Variants in SCAPER observed in about 807,000 individuals in gnomAD.
SCAPER encodes S phase cyclin A-associated protein in the endoplasmic reticulum.
Under a neutral mutation model 182.2 loss-of-function variants are expected in SCAPER, and 98 were observed. That is an observed-to-expected ratio of 0.54 (90% CI 0.46 to 0.64). SCAPER has a LOEUF of 0.64. Among genes scored for constraint, SCAPER ranks in the 30% least tolerant of loss-of-function variants. The pLI is 0.00. For synonymous variants in SCAPER, 605 were observed against 564.6 expected, an observed-to-expected ratio of 1.07 and a Z score of -1.01; for missense variants, 1,432 against 1,690.0, an observed-to-expected ratio of 0.85 and a Z score of 2.68.
chr15:76,451,902 G>A (rs1036849286), intron 25 of SCAPER, among the ~76,000 whole-genome samples: 8 of 152,166 alleles, frequency 5.3e-5, no homozygotes, highest in African/African-American at 1.9e-4. Flanking sequence ...TTATTATAGG[G>A]TATTGGGAAA....
chr15:76,832,027 A>G (rs933609068), intron 5 of SCAPER, among the ~76,000 whole-genome samples: 1 of 152,188 alleles, frequency 6.6e-6, no homozygotes, highest in Non-Finnish European at 1.5e-5. Context: ...GAACATCACC[A>G]CACACAGATG....
At chr15:76,695,581 A>G (rs1242383411) in intron 20 of SCAPER, among the ~76,000 whole-genome samples, 1 of 150,374 alleles carries the variant, frequency 6.7e-6, no homozygotes, top group Non-Finnish European at 1.5e-5. Flanking sequence ...TGGATGACGG[A>G]GCAAGACTCC....
At chr15:76,623,078 G>A (rs2052243596) in intron 21 of SCAPER, among the ~76,000 whole-genome samples, 1 of 152,076 alleles carries the variant, frequency 6.6e-6, no homozygotes, top group Non-Finnish European at 1.5e-5. Context: ...CATGTCCTTT[G>A]CCCACCTTTT....
intron 23 of SCAPER, among the ~76,000 whole-genome samples, chr15:76,510,872 T>G (rs537008629): frequency 6.6e-6 from 1 of 151,746 alleles, no homozygotes; most frequent in African/African-American, 2.4e-5. Flanking sequence ...CGCGTGTGTG[T>G]GTGTGTGTGT....
At chr15:76,814,709 T>G (rs78020233) in intron 5 of SCAPER, among the ~76,000 whole-genome samples, 12,501 of 152,016 alleles carry the variant, frequency 0.082, 654 homozygotes, top group East Asian at 0.12. Context: ...CAAGCAATAA[T>G]TTTTTTGGTA....
rs775463270 is a variant in SCAPER, at chr15:76,667,625, C to CAAAAAAAAAAAAAAAAAAAAAA, written c.2509-1858_2509-1837dup. On this transcript the variant is annotated intron_variant, in intron 20 of 31. Coordinates refer to ENST00000563290, the MANE Select transcript of SCAPER (RefSeq NM_020843.4). ...GGGCAACAAGAGCGAGACTCAGTCT[C>CAAAAAAAAAAAAAAAAAAAAAA]AAAAAAAAAAAAAAAAAAAAAAAAA... Among the ~76,000 whole-genome samples, 7 of 27,474 alleles carry CAAAAAAAAAAAAAAAAAAAAAA rather than the reference C, an allele frequency of 2.5e-4. 2 individuals carry two copies. Among genetic ancestry groups the CAAAAAAAAAAAAAAAAAAAAAA allele is most frequent in the Non-Finnish European group, 3.3e-4 (5 of 15,342 alleles). 18.0% of individuals were successfully genotyped at this position (27,474 alleles called of 152,430 possible).
Position 76,765,080 on chromosome 15 carries a change from T to A in SCAPER, c.1614-8A>T, listed in dbSNP as rs774273931. On this transcript the variant is annotated splice_polypyrimidine_tract_variant and splice_region_variant and intron_variant, in intron 13 of 31. Transcript: ENST00000563290. ...TTAGATTCTGCAATTGTTCTATTAA[T>A]ACAAACAAATGGACAAGAGACATGA... is the stretch of plus-strand genomic sequence containing the variant. The A allele has an allele frequency of 8.6e-6, 13 of 1,516,640 alleles. No individual in the cohort carries two copies. The South Asian group carries it at 1.6e-4, about 18-fold the overall frequency. The allele number at this position is 1,516,640 out of a possible 1,614,324, so 93.9% of individuals were successfully genotyped here. A position where few individuals can be genotyped will look rare whatever the true frequency, so the allele number is the denominator to read the frequency against.
chr15:76,786,646 A>G (rs1456666457), intron 8 of SCAPER, among the ~76,000 whole-genome samples: 1 of 152,162 alleles, frequency 6.6e-6, no homozygotes, highest in East Asian at 1.9e-4. Flanking sequence ...AACATTCTAG[A>G]CAGTGCCACA....
Position 76,875,503 on chromosome 15 carries a change from C to T in SCAPER, c.6+8309G>A, listed in dbSNP as rs944049940. 4.6e-5 allele frequency among the ~76,000 whole-genome samples: 7 copies of T among 152,092 alleles called. No individual in the cohort carries two copies. In the South Asian group the frequency reaches 1.2e-3, roughly 27 times the overall value. On this transcript the variant is annotated intron_variant, in intron 2 of 31. Coordinates refer to ENST00000563290, the MANE Select transcript of SCAPER (RefSeq NM_020843.4). ...TGCTAAAAATACAAAACTTAGCGGG[C>T]GTGGTGGTACGCGCCTGTAATTCCA... is the stretch of plus-strand genomic sequence containing the variant.
At chr15:76,464,433 A>G (rs1183693516) in intron 25 of SCAPER, among the ~76,000 whole-genome samples, 1 of 152,044 alleles carries the variant, frequency 6.6e-6, no homozygotes, top group East Asian at 1.9e-4. Flanking sequence ...TGTATACCCA[A>G]ATCTGCATAT....
chr15:76,613,385 C>A (rs151229475), intron 22 of SCAPER, among the ~76,000 whole-genome samples: 2,329 of 152,198 alleles, frequency 0.015, 36 homozygotes, highest in Non-Finnish European at 0.021. Flanking sequence ...GACGAAGACA[C>A]CAAAAGCACT....
At chr15:76,439,025 A>G (rs1434221784) in intron 25 of SCAPER, among the ~76,000 whole-genome samples, 2 of 152,182 alleles carry the variant, frequency 1.3e-5, no homozygotes, top group African/African-American at 2.4e-5. Context: ...TTCATCTAGA[A>G]AAGAATTTCA....
intron 29 of SCAPER, among the ~76,000 whole-genome samples, chr15:76,370,663 A>G (rs1476137756): frequency 6.6e-6 from 1 of 152,170 alleles, no homozygotes; most frequent in Non-Finnish European, 1.5e-5. Flanking sequence ...ACTGCTATCC[A>G]CTTCCAGAAC....
intron 14 of SCAPER, among the ~76,000 whole-genome samples, chr15:76,758,971 C>CA (rs2062610553): frequency 6.8e-6 from 1 of 147,954 alleles, no homozygotes. Context: ...TATTATTTCT[C>CA]AAAGTTTTTT....
At chr15:76,518,333 G>A (rs2042591761) in intron 23 of SCAPER, among the ~76,000 whole-genome samples, 1 of 152,150 alleles carries the variant, frequency 6.6e-6, no homozygotes, top group Non-Finnish European at 1.5e-5. Context: ...AGGCTTTAGA[G>A]TACGCCTTTT....
At chr15:76,744,489 C>T (rs2061695113) in intron 15 of SCAPER, among the ~76,000 whole-genome samples, 1 of 152,106 alleles carries the variant, frequency 6.6e-6, no homozygotes, top group African/African-American at 2.4e-5. Flanking sequence ...CATGAATTGA[C>T]ATTTCTCAAA....
intron 24 of SCAPER, among the ~76,000 whole-genome samples, chr15:76,486,345 A>G (rs1297027502): frequency 6.6e-6 from 1 of 152,242 alleles, no homozygotes; most frequent in Non-Finnish European, 1.5e-5. Flanking sequence ...CAATGGCAAC[A>G]AAAGCAAAAA....
intron 22 of SCAPER, among the ~76,000 whole-genome samples, chr15:76,579,421 T>C (rs751007993): frequency 3.3e-5 from 5 of 151,966 alleles, no homozygotes; most frequent in Non-Finnish European, 7.4e-5. Flanking sequence ...TTGTTTGTTA[T>C]TTAGTTTTTT....
At chr15:76,397,717 T>G (rs1321699080) in intron 27 of SCAPER, among the ~76,000 whole-genome samples, 1 of 152,122 alleles carries the variant, frequency 6.6e-6, no homozygotes, top group African/African-American at 2.4e-5. Context: ...CCTCAGGTGA[T>G]CCGCCCGCCT....
Sources: gnomAD v4.1 joint callset for allele counts (sites outside exome capture counted in the v4.1 genomes callset) on GRCh38, gnomAD v4.1.1 for gene constraint, MANE v1.5 for transcripts, NCBI Gene and HGNC (gene_info 2026-07-23, HGNC 2026-07-21) for gene names.